Variants in TRAF2 observed in about 807,000 individuals in gnomAD.
TRAF2 encodes the protein TNF receptor-associated factor 2.
A neutral mutation model predicts 55.6 loss-of-function variants in TRAF2; 6 were observed. The observed-to-expected ratio is 0.11, with a 90% confidence interval of 0.06 to 0.21. TRAF2 has a LOEUF of 0.21. Ranked by LOEUF, TRAF2 falls within the 10% of genes least tolerant of loss-of-function variation. TRAF2 has a pLI of 1.00. For synonymous variants in TRAF2, 329 were observed against 276.3 expected, an observed-to-expected ratio of 1.19 and a Z score of -1.89; for missense variants, 561 against 684.5, an observed-to-expected ratio of 0.82 and a Z score of 2.01.
rs1225626559 is a variant in TRAF2 at position 136,910,008 on chromosome 9, A to G, written c.603+14A>G. 2.5e-6 allele frequency: 4 copies of G among 1,596,358 alleles called. No individual in the cohort carries two copies. The highest frequency in any genetic ancestry group is 3.4e-6 in the Non-Finnish European group (4 of 1,173,570). The stretch of plus-strand genomic sequence containing the variant: ...CCCCGGGAGAAGGTGAGTGTCCTTC[A>G]CCTCCTTGGAGGACCGCAGGGCGGG... On this transcript the variant is annotated intron_variant, in intron 6 of 10. Transcript: ENST00000247668.
intron 6 of TRAF2, among the ~76,000 whole-genome samples, chr9:136,916,233 C>T (rs996821442): frequency 1.3e-5 from 2 of 150,384 alleles, no homozygotes; most frequent in Non-Finnish European, 2.9e-5. Context: ...GCCTCAGCAC[C>T]GCATGTCCTG....
intron 1 of TRAF2, chr9:136,890,431 C>G (rs1849558566): frequency 6.6e-6 from 1 of 152,330 alleles, no homozygotes; most frequent in African/African-American, 2.4e-5. Context: ...CGGCCGCGCA[C>G]CAGGTCTCAG....
chr9:136,886,104 G>A (rs1367780376), upstream of TRAF2: 1 of 152,380 alleles, frequency 6.6e-6, no homozygotes, highest in Non-Finnish European at 1.5e-5. Flanking sequence ...TCACCTCTCG[G>A]GTGTGCGGCA....
At chr9:136,885,685 T>A (rs1323871291), upstream of TRAF2, among the ~76,000 whole-genome samples, 4 of 152,194 alleles carry the variant, frequency 2.6e-5, no homozygotes, top group East Asian at 3.9e-4. Flanking sequence ...GGAGAATCGC[T>A]TGAACCCGGG....
chr9:136,909,801 A>G (rs1588434609), intron 5 of TRAF2, 119 bp from the exon 6 acceptor site: 1 of 971,150 alleles, frequency 1.0e-6, no homozygotes. Flanking sequence ...TCGAGGCTGG[A>G]GGGTGACCAC....
At chr9:136,903,644 T>G (rs2131299360) in intron 4 of TRAF2, among the ~76,000 whole-genome samples, 1 of 152,204 alleles carries the variant, frequency 6.6e-6, no homozygotes, top group South Asian at 2.1e-4. Flanking sequence ...ACTGGAGATT[T>G]CAAGTACCGA....
At chr9:136,919,004 G>C (rs1850315375) in intron 7 of TRAF2, among the ~76,000 whole-genome samples, 2 of 149,752 alleles carry the variant, frequency 1.3e-5, no homozygotes, top group Admixed American at 1.3e-4. Flanking sequence ...CAAAGTACTG[G>C]GATTACAGGT....
At chr9:136,887,171 G>A (rs918193872) in intron 1 of TRAF2, among the ~76,000 whole-genome samples, 1 of 152,214 alleles carries the variant, frequency 6.6e-6, no homozygotes, top group Non-Finnish European at 1.5e-5. Flanking sequence ...GCAGCAAGGA[G>A]CCAGTGCGGG....
intron 1 of TRAF2, among the ~76,000 whole-genome samples, chr9:136,897,765 A>T (rs949847157): frequency 1.4e-4 from 19 of 137,614 alleles, no homozygotes; most frequent in South Asian, 2.4e-4. Flanking sequence ...GTGGTAGCTA[A>T]AGGGAGTGCA....
intron 1 of TRAF2, 41 bp downstream of exon 1, chr9:136,886,582 C>G (rs1262797548): frequency 1.1e-6 from 1 of 941,384 alleles, no homozygotes; most frequent in South Asian, 4.8e-5. Context: ...CGGGCGCGGG[C>G]GCGGGGTCGG....
At chr9:136,906,106 A>G (rs1248437257) in intron 4 of TRAF2, among the ~76,000 whole-genome samples, 1 of 152,106 alleles carries the variant, frequency 6.6e-6, no homozygotes, top group Non-Finnish European at 1.5e-5. Context: ...TCTCAAAACA[A>G]AAACAAAAAA....
At chr9:136,884,433 G>A (rs553255123), upstream of TRAF2, among the ~76,000 whole-genome samples, 53 of 152,162 alleles carry the variant, frequency 3.5e-4, no homozygotes, top group African/African-American at 9.1e-4. Context: ...AGCGGTGTGC[G>A]CCGGTAGTCC....
chr9:136,904,091 TGCCAGCCTTC>T (rs937872233), intron 4 of TRAF2, among the ~76,000 whole-genome samples: 30 of 152,252 alleles, frequency 2.0e-4, no homozygotes, highest in African/African-American at 7.0e-4. Flanking sequence ...CCGCAGCACC[TGCCAGCCTTC>T]GCCAGCCTAC....
At chr9:136,893,952 G>A (rs768809684) in intron 1 of TRAF2, among the ~76,000 whole-genome samples, 53 of 151,252 alleles carry the variant, frequency 3.5e-4, no homozygotes, top group Non-Finnish European at 4.1e-4. Context: ...GTTTCACCAT[G>A]TTGGTCGGGC....
chr9:136,912,914 C>T (rs1479030574), intron 6 of TRAF2, among the ~76,000 whole-genome samples: 1 of 152,136 alleles, frequency 6.6e-6, no homozygotes, highest in East Asian at 1.9e-4. Context: ...AGGTGGATCA[C>T]CTGAGGTCAG....
chr9:136,926,390 C>A lies in TRAF2; in HGVS notation c.*489C>A. The stretch of plus-strand genomic sequence containing the variant: ...GAGCAGCTTGGTTCTCCCCTCTGGC[C>A]CCTGGAGAGAAGGGAGCATTCCTAG... On this transcript the variant is annotated 3_prime_UTR_variant, in exon 11 of 11. Transcript: ENST00000247668. The A allele has an allele frequency of 3.6e-6, 1 of 279,288 alleles. No individual in the cohort carries two copies. Among genetic ancestry groups the A allele is most frequent in the South Asian group, 2.7e-5 (1 of 37,706 alleles). The allele number at this position is 279,288 out of a possible 1,614,324, so 17.3% of individuals were successfully genotyped here. A position where few individuals can be genotyped will look rare whatever the true frequency, so the allele number is the denominator to read the frequency against.
At chr9:136,886,459 C>CGCGGCGGAGCG (rs1849448417), upstream of TRAF2, 6 of 1,005,654 alleles carry the variant, frequency 6.0e-6, no homozygotes, top group African/African-American at 1.7e-5. Context: ...GTCAGGCGCA[C>CGCGGCGGAGCG]GCGGCGGAGC....
At position 136,900,974 on chromosome 9, in the gene TRAF2, C is replaced by G. The variant is rs371271064; in HGVS notation, c.366+454C>G. Among the ~76,000 whole-genome samples, 4 of 152,314 alleles carry G rather than the reference C, an allele frequency of 2.6e-5. No homozygotes were observed. In the East Asian group the frequency reaches 7.7e-4, roughly 29 times the overall value. On this transcript the variant is annotated intron_variant, in intron 4 of 10. Coordinates refer to ENST00000247668, the MANE Select transcript of TRAF2 (RefSeq NM_021138.4). ...GGGGTTTTTGTTGTGTCTCTTGTAT[C>G]CACAAAGGATTGCTTATTTTGAATT... is the stretch of plus-strand genomic sequence containing the variant.
At chr9:136,908,005 G>C (rs987856631) in intron 4 of TRAF2, 65 bp from the exon 5 acceptor site, 31 of 1,545,880 alleles carry the variant, frequency 2.0e-5, no homozygotes, top group Non-Finnish European at 2.6e-5. Context: ...GTGTCCCCGG[G>C]TGAAGCTGTG....
Sources: gnomAD v4.1 joint callset for allele counts (sites outside exome capture counted in the v4.1 genomes callset) on GRCh38, gnomAD v4.1.1 for gene constraint, MANE v1.5 for transcripts, NCBI Gene and HGNC (gene_info 2026-07-23, HGNC 2026-07-21) for gene names.